The following TMEM132D variants were observed in gnomAD, a reference collection of about 807,000 sequenced individuals.
The protein encoded by TMEM132D is transmembrane protein 132D, also known as mature OL transmembrane protein.
A neutral mutation model predicts 62.3 loss-of-function variants in TMEM132D; 21 were observed. The observed-to-expected ratio is 0.34, with a 90% CI of 0.24 to 0.49. The LOEUF is 0.49. TMEM132D is among the 20% of genes least tolerant of loss of function. TMEM132D has a pLI of 0.99. For missense variants in TMEM132D, 1,346 were observed against 1,402.8 expected (o/e 0.96, Z 0.65); for synonymous variants, 621 against 575.6 (o/e 1.08, Z -1.13).
intron 2 of TMEM132D, among the ~76,000 whole-genome samples, chr12:129,595,836 C>A (rs904943640): frequency 6.6e-6 from 1 of 152,212 alleles, no homozygotes; most frequent in African/African-American, 2.4e-5. Flanking sequence ...GAGCCAGTTT[C>A]CAGTGGTCCC....
intron 3 of TMEM132D, among the ~76,000 whole-genome samples, chr12:129,452,784 G>C (rs1022627156): frequency 3.3e-5 from 5 of 152,192 alleles, no homozygotes; most frequent in African/African-American, 1.2e-4. Flanking sequence ...AATTTCGTCT[G>C]ATTTACCCTT....
intron 2 of TMEM132D, among the ~76,000 whole-genome samples, chr12:129,612,724 C>CTTTAA (rs1555221721): frequency 6.6e-6 from 1 of 151,724 alleles, no homozygotes; most frequent in African/African-American, 2.4e-5. Context: ...TTAATTTGGC[C>CTTTAA]CCAGGCAACT....
chr12:129,304,896 T>A (rs932220919), intron 4 of TMEM132D, among the ~76,000 whole-genome samples: 3 of 152,100 alleles, frequency 2.0e-5, no homozygotes, highest in Admixed American at 6.5e-5. Flanking sequence ...ACTCTTGCCC[T>A]CAAGTGATCT....
intron 1 of TMEM132D, among the ~76,000 whole-genome samples, chr12:129,790,035 G>C (rs1313829306): frequency 4.6e-5 from 7 of 152,186 alleles, no homozygotes; most frequent in Non-Finnish European, 7.3e-5. Flanking sequence ...TAGAACTAGC[G>C]GGCTGCTTCG....
intron 3 of TMEM132D, among the ~76,000 whole-genome samples, chr12:129,482,122 C>A (rs565908877): frequency 1.3e-5 from 2 of 152,350 alleles, no homozygotes; most frequent in Admixed American, 1.3e-4. Flanking sequence ...TCTAGCTGAG[C>A]TGTCTCAGCC....
At chr12:129,217,116 G>A (rs552676964) in intron 4 of TMEM132D, among the ~76,000 whole-genome samples, 26 of 152,170 alleles carry the variant, frequency 1.7e-4, no homozygotes, top group Middle Eastern at 3.4e-3. Context: ...AGATGAGTAC[G>A]GTTAGAAGAA....
chr12:129,645,178 C>T (rs952927519), intron 2 of TMEM132D, among the ~76,000 whole-genome samples: 4 of 151,930 alleles, frequency 2.6e-5, no homozygotes, highest in Admixed American at 2.0e-4. Context: ...ATTGAGAGTC[C>T]GATACCTCTG....
intron 4 of TMEM132D, among the ~76,000 whole-genome samples, chr12:129,232,888 C>G (rs528391838): frequency 6.6e-6 from 1 of 151,970 alleles, no homozygotes; most frequent in African/African-American, 2.4e-5. Context: ...ACCATCAGAT[C>G]TCATGAGAAC....
chr12:129,574,839 G>C (rs1877614048), intron 2 of TMEM132D, among the ~76,000 whole-genome samples: 1 of 151,772 alleles, frequency 6.6e-6, no homozygotes, highest in Non-Finnish European at 1.5e-5. Flanking sequence ...ACAAAATAAA[G>C]TCAATGAGAA....
At chr12:129,687,788 C>A (rs903459158) in intron 2 of TMEM132D, among the ~76,000 whole-genome samples, 24 of 152,122 alleles carry the variant, frequency 1.6e-4, no homozygotes, top group Admixed American at 1.4e-3. Flanking sequence ...CCCAGCCTTT[C>A]TACTCATCTC....
At chr12:129,670,757 C>T (rs1880484121) in intron 2 of TMEM132D, among the ~76,000 whole-genome samples, 1 of 152,100 alleles carries the variant, frequency 6.6e-6, no homozygotes, top group African/African-American at 2.4e-5. Context: ...AAGGTGGATC[C>T]CTTGGGTGGT....
intron 4 of TMEM132D, among the ~76,000 whole-genome samples, chr12:129,289,502 C>T (rs1426420655): frequency 6.8e-6 from 1 of 147,092 alleles, no homozygotes; most frequent in African/African-American, 2.5e-5. Flanking sequence ...CGAGATGGTG[C>T]CATTGCACTC....
At chr12:129,505,504 C>T (rs1056296299) in intron 3 of TMEM132D, among the ~76,000 whole-genome samples, 6 of 152,156 alleles carry the variant, frequency 3.9e-5, no homozygotes, top group South Asian at 2.1e-4. Context: ...CGGCCTCCCA[C>T]GGTGCTGGGA....
chr12:129,861,508 C>A (rs1242530389), intron 1 of TMEM132D, among the ~76,000 whole-genome samples: 1 of 152,190 alleles, frequency 6.6e-6, no homozygotes, highest in Non-Finnish European at 1.5e-5. Flanking sequence ...CGCCTGTAAT[C>A]CCAACAATTT....
chr12:129,096,020 C>A (rs533438317), intron 5 of TMEM132D, among the ~76,000 whole-genome samples: 25 of 152,156 alleles, frequency 1.6e-4, no homozygotes, highest in Non-Finnish European at 2.9e-4. Context: ...GGAGAGCCAG[C>A]TCCTGGTGGG....
chr12:129,309,206 TC>T (rs1881913466), intron 4 of TMEM132D, among the ~76,000 whole-genome samples: 1 of 152,112 alleles, frequency 6.6e-6, no homozygotes, highest in Non-Finnish European at 1.5e-5. Context: ...TCTTCTTAGG[TC>T]CTGTATTATA....
intron 1 of TMEM132D, among the ~76,000 whole-genome samples, chr12:129,821,640 G>C (rs879326893): frequency 6.6e-6 from 1 of 152,086 alleles, no homozygotes; most frequent in Non-Finnish European, 1.5e-5. Flanking sequence ...AGAGGCAAAA[G>C]TGCCAATCAA....
At chr12:129,588,115 C>T (rs1878081439) in intron 2 of TMEM132D, among the ~76,000 whole-genome samples, 1 of 152,228 alleles carries the variant, frequency 6.6e-6, no homozygotes, top group Non-Finnish European at 1.5e-5. Flanking sequence ...CCTACTATTT[C>T]CCTTCTGTAA....
chr12:129,448,335 G>C (rs1304005610), intron 3 of TMEM132D, among the ~76,000 whole-genome samples: 1 of 152,104 alleles, frequency 6.6e-6, no homozygotes, highest in African/African-American at 2.4e-5. Context: ...ACTAAGCCTA[G>C]TACCCACTAG....
Sources: allele counts gnomAD v4.1 joint callset (sites outside exome capture counted in the v4.1 genomes callset), GRCh38; gene constraint gnomAD v4.1.1; transcripts MANE v1.5; gene names NCBI Gene and HGNC (gene_info 2026-07-23, HGNC 2026-07-21).